UNC80: variants seen among roughly 807,000 people sequenced by gnomAD.
UNC80 encodes the protein unc-80 subunit of NALCN channel complex.
In UNC80, 164 loss-of-function variants were observed where a neutral mutation model predicts 384.6. The observed-to-expected ratio is 0.43, with a 90% CI of 0.38 to 0.49. The LOEUF is 0.49. Ranked by LOEUF, UNC80 falls within the 20% of genes least tolerant of loss-of-function variation. The pLI is 0.00. For missense variants in UNC80, 3,330 were observed against 4,143.0 expected (o/e 0.80, Z 5.39); for synonymous variants, 1,486 against 1,527.8 (o/e 0.97, Z 0.64).
chr2:209,784,066 A>G (rs756745274), intron 4 of UNC80, among the ~76,000 whole-genome samples: 2 of 152,066 alleles, frequency 1.3e-5, no homozygotes, highest in Admixed American at 1.3e-4. Flanking sequence ...CATCTTACCT[A>G]TCTTTCTTAA....
At position 209,831,428 on chromosome 2, in the gene UNC80, GC is replaced by G. The variant is rs1341062374; in HGVS notation, c.2627-13del. The G allele has an allele frequency of 1.9e-6, 3 of 1,541,556 alleles. No homozygotes were observed. Among genetic ancestry groups the G allele is most frequent in the East Asian group, 4.9e-5 (2 of 40,786 alleles). On this transcript the variant is annotated splice_polypyrimidine_tract_variant and intron_variant, in intron 15 of 64. Coordinates refer to ENST00000673920, the MANE Select transcript of UNC80 (RefSeq NM_001371986.1). ...AAAGGAAACATTGTCTTTAATTTGT[GC>G]CTTTGCATTCCAGACAAGGCTGGGT...
At chr2:209,973,955 G>A (rs113573769) in intron 56 of UNC80, among the ~76,000 whole-genome samples, 7 of 151,988 alleles carry the variant, frequency 4.6e-5, no homozygotes, top group East Asian at 1.9e-4. Flanking sequence ...CTACTTTCCC[G>A]TTATCCTATG....
At chr2:209,970,064 A>C in intron 53 of UNC80, 173 bp downstream of exon 53, 1 of 820,196 alleles carries the variant, frequency 1.2e-6, no homozygotes, top group Non-Finnish European at 1.9e-6. Context: ...GTGTGTGGGG[A>C]GATCCAGGAA....
Position 209,867,284 on chromosome 2 carries a change from C to T in UNC80, c.3628-5474C>T, listed in dbSNP as rs113922494. 9.8e-4 allele frequency among the ~76,000 whole-genome samples: 149 copies of T among 152,252 alleles called. 2 individuals carry two copies. Among genetic ancestry groups the T allele is most frequent in the African/African-American group, 2.7e-3 (114 of 41,550 alleles). On this transcript the variant is annotated intron_variant, in intron 22 of 64. Coordinates refer to ENST00000673920, the MANE Select transcript of UNC80 (RefSeq NM_001371986.1). ...TTATTTTATCCATCTTCCTAAGTGACGCCTAGGCTCAAATATGAAGGTTTG... is the reference window on the plus strand; with the variant it reads ...TTATTTTATCCATCTTCCTAAGTGATGCCTAGGCTCAAATATGAAGGTTTG...
chr2:209,874,463 A>T (rs2084592996), intron 23 of UNC80, among the ~76,000 whole-genome samples: 1 of 152,166 alleles, frequency 6.6e-6, no homozygotes, highest in Admixed American at 6.5e-5. Flanking sequence ...TCACCAAGAG[A>T]TTTCACAAAC....
At position 209,943,530 on chromosome 2, in the gene UNC80, G is replaced by A. The variant is rs752495561; in HGVS notation, c.7050+16G>A. 10 of 1,544,840 alleles carry A rather than the reference G, an allele frequency of 6.5e-6. No homozygotes were observed. Among genetic ancestry groups the A allele is most frequent in the Non-Finnish European group, 8.7e-6 (10 of 1,145,028 alleles). Reference sequence around the variant, plus strand: ...GGAATTTCCTGTAAGTAAGCTCTGTGGGAAAAAAAAATGAAGACCAACAAA... The same window carrying A: ...GGAATTTCCTGTAAGTAAGCTCTGTAGGAAAAAAAAATGAAGACCAACAAA... On this transcript the variant is annotated intron_variant, in intron 45 of 64. Coordinates refer to ENST00000673920, the MANE Select transcript of UNC80 (RefSeq NM_001371986.1).
At chr2:209,914,683 A>G (rs367583949) in intron 31 of UNC80, among the ~76,000 whole-genome samples, 4,370 of 139,478 alleles carry the variant, frequency 0.031, 125 homozygotes, top group South Asian at 0.18. Flanking sequence ...GTGTGTGTGT[A>G]TATAAATACA....
chr2:209,913,202 T>C (rs1469705251), intron 30 of UNC80, among the ~76,000 whole-genome samples: 7 of 152,222 alleles, frequency 4.6e-5, no homozygotes, highest in Admixed American at 4.6e-4. Flanking sequence ...TCTAAATCAT[T>C]ATGTTCTCCC....
In UNC80 at chr2:209,827,390, G is replaced by A. The variant is rs554458857; in HGVS notation, c.2478+1337G>A. Among the ~76,000 whole-genome samples the A allele has an allele frequency of 4.0e-4, 61 of 152,134 alleles. No homozygotes were observed. The South Asian group carries it at 8.5e-3, about 21-fold the overall frequency. ...TTAGTTGGAAGTATAAACTGGCTCCGATAACCAAGATTTGTCTTTCTGGAT... is the reference window on the plus strand; with the variant it reads ...TTAGTTGGAAGTATAAACTGGCTCCAATAACCAAGATTTGTCTTTCTGGAT... On this transcript the variant is annotated intron_variant, in intron 14 of 64. Coordinates refer to ENST00000673920, the MANE Select transcript of UNC80 (RefSeq NM_001371986.1).
intron 22 of UNC80, among the ~76,000 whole-genome samples, chr2:209,857,188 G>A (rs373322544): frequency 3.9e-5 from 6 of 152,098 alleles, no homozygotes; most frequent in South Asian, 2.1e-4. Flanking sequence ...GAGGCTCTTC[G>A]TTCTTCCACA....
At chr2:209,941,568 GA>G in intron 44 of UNC80, 79 bp downstream of exon 44, 5 of 1,338,638 alleles carry the variant, frequency 3.7e-6, no homozygotes, top group Non-Finnish European at 4.9e-6. Context: ...GATCTATACT[GA>G]AACTTTTTAA....
intron 21 of UNC80, among the ~76,000 whole-genome samples, chr2:209,845,895 C>T (rs2082131252): frequency 6.6e-6 from 1 of 152,022 alleles, no homozygotes; most frequent in African/African-American, 2.4e-5. Flanking sequence ...ATTTTTGAGC[C>T]TGCTTTTTTC....
intron 9 of UNC80, among the ~76,000 whole-genome samples, chr2:209,816,113 A>G (rs1053754528): frequency 1.1e-4 from 16 of 152,234 alleles, no homozygotes; most frequent in Non-Finnish European, 2.4e-4. Context: ...ACAAAAGACA[A>G]TGGCTATCAA....
intron 58 of UNC80, 27 bp from the exon 59 acceptor site, chr2:209,978,502 T>C: frequency 2.0e-6 from 3 of 1,493,932 alleles, no homozygotes; most frequent in Non-Finnish European, 2.7e-6. Flanking sequence ...TCACCATGCA[T>C]TTCCTTTGGT....
intron 56 of UNC80, among the ~76,000 whole-genome samples, chr2:209,974,062 C>T (rs776465469): frequency 6.6e-6 from 1 of 152,110 alleles, no homozygotes; most frequent in Non-Finnish European, 1.5e-5. Context: ...CTTGCCATAG[C>T]GCTGAGAATA....
At chr2:209,823,752 A>C (rs2080306306) in intron 13 of UNC80, among the ~76,000 whole-genome samples, 1 of 151,924 alleles carries the variant, frequency 6.6e-6, no homozygotes, top group Non-Finnish European at 1.5e-5. Context: ...AATTCTCACA[A>C]CTCTATGAAA....
At chr2:209,798,599 C>T (rs975879349) in intron 7 of UNC80, among the ~76,000 whole-genome samples, 1 of 152,024 alleles carries the variant, frequency 6.6e-6, no homozygotes, top group African/African-American at 2.4e-5. Flanking sequence ...TAGTGTGATG[C>T]CTCCAGCTTT....
chr2:209,901,954 AG>A (rs1337113633), intron 28 of UNC80, among the ~76,000 whole-genome samples: 1 of 151,888 alleles, frequency 6.6e-6, no homozygotes, highest in Non-Finnish European at 1.5e-5. Context: ...TACATTTTGC[AG>A]GGGTATAGCT....
At chr2:209,827,797 C>T (rs1351558214) in intron 14 of UNC80, among the ~76,000 whole-genome samples, 1 of 152,142 alleles carries the variant, frequency 6.6e-6, no homozygotes, top group Admixed American at 6.6e-5. Context: ...CTTTCCCTAG[C>T]CTTTTTTCTT....
Sources: allele counts gnomAD v4.1 joint callset (sites outside exome capture counted in the v4.1 genomes callset), GRCh38; gene constraint gnomAD v4.1.1; transcripts MANE v1.5; gene names NCBI Gene and HGNC (gene_info 2026-07-23, HGNC 2026-07-21).